Variants in USP22 observed in about 807,000 individuals in gnomAD.
The protein encoded by USP22 is ubiquitin specific peptidase 22.
In USP22, 22 loss-of-function variants were observed where a neutral mutation model predicts 68.1. The observed-to-expected ratio is 0.32, with a 90% CI of 0.23 to 0.46. The LOEUF is 0.46. USP22 is among the 20% of genes least tolerant of loss of function. USP22 has a pLI of 1.00. For synonymous variants in USP22, 279 were observed against 274.2 expected (o/e 1.02, Z -0.17); for missense variants, 433 against 695.8 (o/e 0.62, Z 4.25).
At chr17:21,036,056 G>C (rs945628956) in intron 1 of USP22, among the ~76,000 whole-genome samples, 38 of 126,572 alleles carry the variant, frequency 3.0e-4, no homozygotes, top group African/African-American at 1.0e-3. Flanking sequence ...AAAAAAAAAA[G>C]GAATGAACTT....
At chr17:21,040,887 C>CT (rs376506784) in intron 1 of USP22, among the ~76,000 whole-genome samples, 78,427 of 142,652 alleles carry the variant, frequency 0.55, 21,775 homozygotes, top group Middle Eastern at 0.6. Flanking sequence ...CCAGGCCACC[C>CT]TTTTTTTTTT....
chr17:21,022,278 G>A (rs1217835805), intron 2 of USP22, among the ~76,000 whole-genome samples: 1 of 151,802 alleles, frequency 6.6e-6, no homozygotes, highest in Non-Finnish European at 1.5e-5. Context: ...CTTTCTAATC[G>A]TGTGCATGTC....
chr17:21,024,473 G>C (rs772214383), intron 2 of USP22, among the ~76,000 whole-genome samples: 3 of 152,192 alleles, frequency 2.0e-5, no homozygotes, highest in Non-Finnish European at 4.4e-5. Flanking sequence ...TGTAACAAAT[G>C]CTGCTGGGAC....
At chr17:21,003,900 C>CAAAA (rs545524182) in intron 12 of USP22, among the ~76,000 whole-genome samples, 5 of 113,872 alleles carry the variant, frequency 4.4e-5, no homozygotes, top group African/African-American at 7.6e-5. Flanking sequence ...AACTCCGTCT[C>CAAAA]AAAAAAAAAA....
intron 6 of USP22, 197 bp downstream of exon 6, chr17:21,015,555 A>G (rs1195702291): frequency 8.3e-6 from 6 of 721,930 alleles, no homozygotes; most frequent in South Asian, 2.5e-5. Context: ...GCCTCTTAAA[A>G]ATAAACTAGG....
intron 9 of USP22, among the ~76,000 whole-genome samples, 154 bp from the exon 10 acceptor site, chr17:21,007,141 A>G (rs1913807327): frequency 6.6e-6 from 1 of 152,172 alleles, no homozygotes; most frequent in African/African-American, 2.4e-5. Flanking sequence ...ACAGATTCAA[A>G]AACACAGTGG....
intron 12 of USP22, 61 bp from the exon 13 acceptor site, chr17:21,003,134 A>C: frequency 1.3e-6 from 2 of 1,592,424 alleles, no homozygotes; most frequent in Non-Finnish European, 1.7e-6. Context: ...AGCCAGAACA[A>C]CCCACCCTAC....
chr17:21,007,847 A>C (rs774975772), intron 9 of USP22, 23 bp downstream of exon 9: 1 of 1,613,974 alleles, frequency 6.2e-7, no homozygotes, highest in African/African-American at 1.3e-5. Flanking sequence ...CTGCCATTAG[A>C]GTTGGCTTTC....
At chr17:21,028,514 A>G in intron 2 of USP22, 28 bp downstream of exon 2, 2 of 1,611,152 alleles carry the variant, frequency 1.2e-6, no homozygotes, top group Non-Finnish European at 1.7e-6. Context: ...GGCCACAACT[A>G]TCCCCCCATC....
At chr17:21,003,772 T>A (rs923906144) in intron 12 of USP22, among the ~76,000 whole-genome samples, 3 of 149,394 alleles carry the variant, frequency 2.0e-5, no homozygotes, top group Admixed American at 1.3e-4. Context: ...TGATGGTGCA[T>A]GCCTATAATC....
At chr17:21,025,260 C>CA (rs1972205883) in intron 2 of USP22, among the ~76,000 whole-genome samples, 2 of 152,106 alleles carry the variant, frequency 1.3e-5, no homozygotes, top group Admixed American at 1.3e-4. Flanking sequence ...AATGGCCCAA[C>CA]AAGCACATGA....
chr17:21,014,746 C>T (rs1914078460), intron 6 of USP22, among the ~76,000 whole-genome samples: 1 of 152,112 alleles, frequency 6.6e-6, no homozygotes, highest in Non-Finnish European at 1.5e-5. Flanking sequence ...ACTCTGTTCT[C>T]TAAAAGACTC....
chr17:21,005,290 G>A (rs1031488533), intron 10 of USP22: 2 of 382,510 alleles, frequency 5.2e-6, no homozygotes, highest in Middle Eastern at 7.2e-4. Context: ...TGTGAGTTTG[G>A]TTTGTGACAA....
At chr17:21,014,527 TA>T (rs1332216175) in intron 6 of USP22, among the ~76,000 whole-genome samples, 1 of 152,130 alleles carries the variant, frequency 6.6e-6, no homozygotes, top group African/African-American at 2.4e-5. Context: ...GGAAAAAAAG[TA>T]AGTACCAAAA....
rs374094508 is a variant in USP22, at chr17:21,026,093, T to C, written c.304+2449A>G. On this transcript the variant is annotated intron_variant, in intron 2 of 12. Transcript: ENST00000261497. ...GGCCAACATGGTGAAACCCCATCTC[T>C]ACAAAAATACAAAAATTAGCTGGGC... Among the ~76,000 whole-genome samples the C allele has an allele frequency of 1.1e-3, 167 of 152,228 alleles. 1 individual carries two copies. The highest frequency in any genetic ancestry group is 3.8e-3 in the African/African-American group (159 of 41,546).
At chr17:21,018,498 GGAGCCCAGGAGTTC>G (rs1972115433) in intron 4 of USP22, among the ~76,000 whole-genome samples, 1 of 152,060 alleles carries the variant, frequency 6.6e-6, no homozygotes, top group Non-Finnish European at 1.5e-5. Context: ...GAGGATCACT[GGAGCCCAGGAGTTC>G]GAGACCAGCC....
chr17:21,038,266 G>GT (rs1222861603), intron 1 of USP22, among the ~76,000 whole-genome samples: 2 of 151,358 alleles, frequency 1.3e-5, no homozygotes, highest in South Asian at 2.1e-4. Flanking sequence ...ACAATAGCAC[G>GT]TATCAGGAAA....
intron 1 of USP22, among the ~76,000 whole-genome samples, chr17:21,033,743 G>C (rs1202662030): frequency 1.4e-5 from 2 of 146,644 alleles, no homozygotes; most frequent in East Asian, 3.9e-4. Flanking sequence ...TAAGTGAAGG[G>C]ACAGGTATAA....
chr17:21,020,644 A>G (rs1296015928), intron 3 of USP22, among the ~76,000 whole-genome samples: 1 of 152,214 alleles, frequency 6.6e-6, no homozygotes, highest in Non-Finnish European at 1.5e-5. Context: ...GGGAGGAAGG[A>G]GGTATGTTTA....
Sources: allele counts gnomAD v4.1 joint callset (sites outside exome capture counted in the v4.1 genomes callset), GRCh38; gene constraint gnomAD v4.1.1; transcripts MANE v1.5; gene names NCBI Gene and HGNC (gene_info 2026-07-23, HGNC 2026-07-21).